PLCL2: variants seen among roughly 807,000 people sequenced by gnomAD.
PLCL2 encodes inactive phospholipase C-like protein 2.
Under a neutral mutation model 79.6 loss-of-function variants are expected in PLCL2, and 4 were observed. That is an observed-to-expected ratio of 0.05 (90% CI 0.02 to 0.11). The LOEUF is 0.11. Among genes scored for constraint, PLCL2 ranks in the 10% least tolerant of loss-of-function variants. PLCL2 has a pLI of 1.00. For synonymous variants in PLCL2, 484 were observed against 457.7 expected, an observed-to-expected ratio of 1.06 and a Z score of -0.73; for missense variants, 895 against 1,291.0, an observed-to-expected ratio of 0.69 and a Z score of 4.70.
At chr3:16,961,055 C>T (rs1032465572) in intron 1 of PLCL2, among the ~76,000 whole-genome samples, 1 of 152,166 alleles carries the variant, frequency 6.6e-6, no homozygotes, top group Non-Finnish European at 1.5e-5. Flanking sequence ...GGAATTAAAG[C>T]AATGTTTTCT....
At chr3:16,975,071 G>C (rs979625336) in intron 1 of PLCL2, among the ~76,000 whole-genome samples, 1 of 152,184 alleles carries the variant, frequency 6.6e-6, no homozygotes, top group South Asian at 2.1e-4. Flanking sequence ...GGCCTTTCTA[G>C]AAGAGGCAGT....
chr3:17,008,819 C>A (rs141690124), intron 1 of PLCL2, among the ~76,000 whole-genome samples: 1 of 152,028 alleles, frequency 6.6e-6, no homozygotes, highest in East Asian at 1.9e-4. Context: ...AAAATTGTTT[C>A]TTTCTTTCTA....
At position 16,886,270 on chromosome 3, in the gene PLCL2, G is replaced by A. The variant is rs377519298; in HGVS notation, c.327+904G>A. 2.5e-4 allele frequency among the ~76,000 whole-genome samples: 38 copies of A among 152,140 alleles called. No individual in the cohort carries two copies. The highest frequency in any genetic ancestry group is 1.2e-3 in the Admixed American group (18 of 15,280). ...AGCCTTAGGCAAGACCAGCTCATTC[G>A]GCTCGCTCAAGTTTGGAGCAAATGA... On this transcript the variant is annotated intron_variant, in intron 1 of 5. Coordinates refer to ENST00000615277, the MANE Select transcript of PLCL2 (RefSeq NM_001144382.2). The surrounding 1 kb of genome is among the most constrained non-coding windows in gnomAD (Gnocchi z 4.2).
At chr3:16,960,135 T>C (rs1368863274) in intron 1 of PLCL2, among the ~76,000 whole-genome samples, 1 of 152,064 alleles carries the variant, frequency 6.6e-6, no homozygotes, top group Non-Finnish European at 1.5e-5. Context: ...TCCATAAAAC[T>C]AGTTCATCAA....
At chr3:16,896,754 T>C (rs141675220) in intron 1 of PLCL2, among the ~76,000 whole-genome samples, 1 of 152,308 alleles carries the variant, frequency 6.6e-6, no homozygotes, top group African/African-American at 2.4e-5. Context: ...GTTTTAGCTC[T>C]ACTGAACACT....
At position 16,886,795 on chromosome 3, in the gene PLCL2, C is replaced by T. The variant is rs1696234805; in HGVS notation, c.327+1429C>T. Among the ~76,000 whole-genome samples the T allele has an allele frequency of 6.6e-6, 1 of 152,180 alleles. No individual in the cohort carries two copies. Among genetic ancestry groups the T allele is most frequent in the African/African-American group, 2.4e-5 (1 of 41,440 alleles). ...CTTTCAACTGTGCATGATAATCAAT[C>T]CTATTGACAGAGTTAGGTGACATTT... On this transcript the variant is annotated intron_variant, in intron 1 of 5. Transcript: ENST00000615277. The surrounding 1 kb of genome is among the most constrained non-coding windows in gnomAD (Gnocchi z 4.2).
At chr3:17,079,096 T>G (rs566156883) in intron 5 of PLCL2, among the ~76,000 whole-genome samples, 1 of 152,274 alleles carries the variant, frequency 6.6e-6, no homozygotes, top group African/African-American at 2.4e-5. Flanking sequence ...CTTGAAAGAT[T>G]AATAGCGCGA....
At chr3:16,958,364 C>G (rs1349848861) in intron 1 of PLCL2, among the ~76,000 whole-genome samples, 1 of 152,132 alleles carries the variant, frequency 6.6e-6, no homozygotes, top group Non-Finnish European at 1.5e-5. Context: ...TATATACCCA[C>G]CATTTGCATG....
chr3:16,995,383 A>C (rs6807144), intron 1 of PLCL2, among the ~76,000 whole-genome samples: 1 of 152,082 alleles, frequency 6.6e-6, no homozygotes, highest in East Asian at 1.9e-4. Context: ...GTTTTGTACA[A>C]ATTTGTATTT....
chr3:17,021,393 T>C (rs1427292914), intron 3 of PLCL2, among the ~76,000 whole-genome samples: 1 of 152,208 alleles, frequency 6.6e-6, no homozygotes, highest in Non-Finnish European at 1.5e-5. Flanking sequence ...TACAGTGTGC[T>C]GGTAACATCA....
chr3:16,923,977 G>T (rs891669587), intron 1 of PLCL2, among the ~76,000 whole-genome samples: 1 of 151,980 alleles, frequency 6.6e-6, no homozygotes, highest in Non-Finnish European at 1.5e-5. Flanking sequence ...TGATCTATTT[G>T]TTGATCTTCT....
Position 17,010,536 on chromosome 3 carries a change from A to G in PLCL2, c.1190A>G (p.Lys397Arg). 1 of 1,614,074 alleles carries G rather than the reference A, an allele frequency of 6.2e-7. No individual in the cohort carries two copies. The highest frequency in any genetic ancestry group is 1.1e-5 in the South Asian group (1 of 91,070). ...GAACCATCCAAAGAGGGTCAGGAAA[A>G]GGGCTGGCTCTCCATAGACGGGTTC... ...KYEPSKEGQE[K>R]GWLSIDGFTN... Residue 397 changes from lysine (K) to arginine (R), a missense_variant, in exon 2 of 6, where the codon AAG becomes AGG. Physicochemically the swap from Lys to Arg is conservative, Grantham distance 26. This residue lies in a region of PLCL2 where 242 missense variants were observed against 399.5 expected (regional missense o/e 0.61). Coordinates refer to ENST00000615277, the MANE Select transcript of PLCL2 (RefSeq NM_001144382.2). This position sits in a 1 kb window ranked among gnomAD's most constrained non-coding sequence, Gnocchi z 5.8.
chr3:16,905,784 T>A (rs1244803951), intron 1 of PLCL2, among the ~76,000 whole-genome samples: 2 of 152,204 alleles, frequency 1.3e-5, no homozygotes, highest in Non-Finnish European at 2.9e-5. Context: ...CTCCTCAGAA[T>A]AGCGACAGCA....
intron 1 of PLCL2, among the ~76,000 whole-genome samples, chr3:16,928,151 G>T (rs924421173): frequency 1.3e-5 from 2 of 152,214 alleles, no homozygotes; most frequent in African/African-American, 2.4e-5. Flanking sequence ...AGGCACTGGG[G>T]AGGCAATGGT....
intron 1 of PLCL2, among the ~76,000 whole-genome samples, chr3:16,959,197 T>C (rs1015039124): frequency 1.3e-5 from 2 of 152,170 alleles, no homozygotes; most frequent in Admixed American, 6.5e-5. Context: ...GGCTTCCCTG[T>C]TGTAATATCA....
rs776884102 is a variant in PLCL2, at chr3:17,010,708, C to T, written c.1362C>T (p.Ser454=). 17 of 1,613,944 alleles carry T rather than the reference C, an allele frequency of 1.1e-5. No individual in the cohort carries two copies. The highest frequency in any genetic ancestry group is 1.6e-4 in the Middle Eastern group (1 of 6,084). The change falls in exon 2 of 6, where the codon TCC becomes TCT. Residue 454 remains serine (S), a synonymous_variant. Transcript: ENST00000615277. This position sits in a 1 kb window ranked among gnomAD's most constrained non-coding sequence, Gnocchi z 5.8. ...TAGAGGATCAGTTCCGAGGTCCCTC[C>T]GACATCACAGGATATATTCGAGCTC... is the stretch of plus-strand genomic sequence containing the variant. The part of the protein sequence containing the change: ...YLIEDQFRGP[S]DITGYIRALK...
intron 4 of PLCL2, among the ~76,000 whole-genome samples, chr3:17,056,363 A>G (rs1367422044): frequency 6.6e-6 from 1 of 152,190 alleles, no homozygotes; most frequent in Non-Finnish European, 1.5e-5. Context: ...TAGGTTTAAT[A>G]TAAAGTGATT....
intron 1 of PLCL2, among the ~76,000 whole-genome samples, chr3:16,940,528 T>C (rs780640193): frequency 5.9e-5 from 9 of 152,120 alleles, no homozygotes; most frequent in Non-Finnish European, 7.4e-5. Flanking sequence ...AAAAACTACC[T>C]ATCGGATACT....
intron 1 of PLCL2, among the ~76,000 whole-genome samples, chr3:16,906,966 T>G (rs1017004009): frequency 6.6e-6 from 1 of 152,236 alleles, no homozygotes; most frequent in African/African-American, 2.4e-5. Flanking sequence ...CCCGCTGAGT[T>G]GCAGAGTTTA....
Sources: allele counts gnomAD v4.1 joint callset (sites outside exome capture counted in the v4.1 genomes callset), GRCh38; gene constraint gnomAD v4.1.1; regional missense constraint gnomAD v4.1.1; non-coding constraint Gnocchi (gnomAD v3.1); transcripts MANE v1.5; gene names NCBI Gene and HGNC (gene_info 2026-07-23, HGNC 2026-07-21).